NRXN1: variants seen among roughly 807,000 people sequenced by gnomAD.
The protein encoded by NRXN1 is neurexin-1.
In NRXN1, 39 loss-of-function variants were observed where a neutral mutation model predicts 150.9. The ratio of observed to expected loss-of-function variants is 0.26; its 90% CI spans 0.20 to 0.34. The LOEUF is 0.34. Among genes scored for constraint, NRXN1 ranks in the 10% least tolerant of loss-of-function variants. The pLI, the probability that NRXN1 is intolerant of heterozygous loss-of-function variation, is 1.00. For synonymous variants in NRXN1, 924 were observed against 757.0 expected (o/e 1.22, Z -3.62); for missense variants, 1,815 against 1,949.9 (o/e 0.93, Z 1.30).
chr2:49,978,007 C>T (rs1287291619), intron 21 of NRXN1, among the ~76,000 whole-genome samples: 5 of 151,862 alleles, frequency 3.3e-5, no homozygotes, highest in Non-Finnish European at 2.9e-5. Flanking sequence ...ACTAAAAACA[C>T]AAAAATTAGC....
At chr2:50,296,618 A>G (rs2073604232) in intron 17 of NRXN1, among the ~76,000 whole-genome samples, 2 of 151,710 alleles carry the variant, frequency 1.3e-5, no homozygotes, top group East Asian at 1.9e-4. Context: ...ACAGGCATGC[A>G]CTACTGGCTG....
intron 5 of NRXN1, among the ~76,000 whole-genome samples, chr2:50,813,664 A>G (rs3908115): frequency 0.33 from 50,766 of 152,034 alleles, 8,718 homozygotes; most frequent in African/African-American, 0.41. Context: ...TCAGCTAGAT[A>G]TGTTAAAGTA....
chr2:50,007,298 A>T (rs1273193771), intron 21 of NRXN1, among the ~76,000 whole-genome samples: 1 of 152,046 alleles, frequency 6.6e-6, no homozygotes, highest in East Asian at 1.9e-4. Flanking sequence ...GTGAGCTTTG[A>T]TCCCACCACT....
chr2:50,137,558 T>G (rs910888325), intron 18 of NRXN1, among the ~76,000 whole-genome samples: 1 of 152,160 alleles, frequency 6.6e-6, no homozygotes, highest in African/African-American at 2.4e-5. Context: ...AGAAATGTAA[T>G]AACTTTAATT....
chr2:50,872,797 T>C (rs1230215927), intron 5 of NRXN1, among the ~76,000 whole-genome samples: 1 of 151,366 alleles, frequency 6.6e-6, no homozygotes, highest in Admixed American at 6.6e-5. Flanking sequence ...TACAAAAGAA[T>C]AAAAAATAAA....
intron 5 of NRXN1, among the ~76,000 whole-genome samples, chr2:50,740,319 C>G (rs1699279249): frequency 6.6e-6 from 1 of 152,126 alleles, no homozygotes; most frequent in Non-Finnish European, 1.5e-5. Context: ...GAAAGGTTCT[C>G]ATTTGAAACA....
chr2:50,159,397 T>C (rs1192985290), intron 18 of NRXN1, among the ~76,000 whole-genome samples: 1 of 152,132 alleles, frequency 6.6e-6, no homozygotes, highest in African/African-American at 2.4e-5. Context: ...AATTTACTGT[T>C]CTATCATTGG....
At chr2:50,871,062 T>C (rs1450826384) in intron 5 of NRXN1, among the ~76,000 whole-genome samples, 1 of 151,964 alleles carries the variant, frequency 6.6e-6, no homozygotes, top group East Asian at 1.9e-4. Context: ...AAGTTTCATT[T>C]ATCAGTAGCA....
At chr2:49,935,207 T>C (rs1334437272) in intron 22 of NRXN1, among the ~76,000 whole-genome samples, 1 of 152,222 alleles carries the variant, frequency 6.6e-6, no homozygotes, top group Non-Finnish European at 1.5e-5. Flanking sequence ...TCCTTTCATT[T>C]TGCAGATGTA....
At chr2:50,108,854 T>A (rs1250837914) in intron 18 of NRXN1, among the ~76,000 whole-genome samples, 1 of 152,086 alleles carries the variant, frequency 6.6e-6, no homozygotes, top group Admixed American at 6.5e-5. Context: ...AATAACAGTT[T>A]AAATTATTGA....
chr2:50,603,348 G>A (rs1045972759), intron 8 of NRXN1, among the ~76,000 whole-genome samples: 1 of 152,162 alleles, frequency 6.6e-6, no homozygotes, highest in Non-Finnish European at 1.5e-5. Context: ...GGCTGGCTCA[G>A]AAAGGCTGTG....
At chr2:50,800,393 A>G (rs1364148758) in intron 5 of NRXN1, among the ~76,000 whole-genome samples, 3 of 152,134 alleles carry the variant, frequency 2.0e-5, no homozygotes, top group African/African-American at 7.2e-5. Flanking sequence ...TCATAATTTG[A>G]AAACATTATT....
intron 18 of NRXN1, among the ~76,000 whole-genome samples, chr2:50,182,788 T>G (rs1432724642): frequency 6.6e-6 from 1 of 152,086 alleles, no homozygotes; most frequent in Non-Finnish European, 1.5e-5. Flanking sequence ...AATAAAAAGT[T>G]TAATATTCTA....
intron 17 of NRXN1, among the ~76,000 whole-genome samples, chr2:50,265,316 T>C (rs1163132332): frequency 6.6e-6 from 1 of 152,124 alleles, no homozygotes; most frequent in African/African-American, 2.4e-5. Context: ...TGTTAATTAA[T>C]CCTAGCAAGG....
intron 20 of NRXN1, among the ~76,000 whole-genome samples, 190 bp downstream of exon 20, chr2:50,054,765 G>A (rs745899171): frequency 4.6e-5 from 7 of 151,960 alleles, no homozygotes; most frequent in East Asian, 1.9e-4. Flanking sequence ...CAGCTGGTAC[G>A]TCTAAAAATG....
intron 18 of NRXN1, among the ~76,000 whole-genome samples, chr2:50,175,595 C>T (rs1395025620): frequency 6.6e-6 from 1 of 151,466 alleles, no homozygotes; most frequent in African/African-American, 2.4e-5. Context: ...AGAATATACA[C>T]ACATTTATGC....
In NRXN1 at chr2:50,026,295, T is replaced by C. The variant is rs1315513156; in HGVS notation, c.4128+26976A>G. On this transcript the variant is annotated intron_variant, in intron 21 of 22. Coordinates refer to ENST00000401669, the MANE Select transcript of NRXN1 (RefSeq NM_001330078.2). Reference sequence around the variant, plus strand: ...GAGTTTGAAACAGAGAATTTTTCTTTAGCAACTTTGGCCCTGAAATGTCCT... The same window carrying C: ...GAGTTTGAAACAGAGAATTTTTCTTCAGCAACTTTGGCCCTGAAATGTCCT... 2.0e-5 allele frequency among the ~76,000 whole-genome samples: 3 copies of C among 152,228 alleles called. No homozygotes were observed. In the East Asian group the frequency reaches 5.8e-4, roughly 29 times the overall value.
intron 17 of NRXN1, among the ~76,000 whole-genome samples, chr2:50,443,217 G>C (rs139131135): frequency 3.9e-5 from 6 of 152,126 alleles, no homozygotes; most frequent in Middle Eastern, 3.2e-3. Flanking sequence ...CAATTCAAGG[G>C]GGGGAGAGAA....
chr2:50,572,109 C>T (rs1426541870), intron 8 of NRXN1, among the ~76,000 whole-genome samples: 1 of 152,134 alleles, frequency 6.6e-6, no homozygotes, highest in Non-Finnish European at 1.5e-5. Flanking sequence ...CCAGAGAAAA[C>T]AGGAGGACTA....
Sources: gnomAD v4.1 joint callset for allele counts (sites outside exome capture counted in the v4.1 genomes callset) on GRCh38, gnomAD v4.1.1 for gene constraint, MANE v1.5 for transcripts, NCBI Gene and HGNC (gene_info 2026-07-23, HGNC 2026-07-21) for gene names.